Variants in HTR2B observed in about 807,000 individuals in gnomAD.
HTR2B encodes 5-hydroxytryptamine receptor 2B.
In HTR2B, 31 loss-of-function variants were observed where a neutral mutation model predicts 39.8. The ratio of observed to expected loss-of-function variants is 0.78; its 90% CI spans 0.58 to 1.05. The LOEUF (loss-of-function observed/expected upper bound fraction) is 1.05, where lower values mean the gene tolerates loss of function less well. Ranked by LOEUF, HTR2B falls within the 50% of genes least tolerant of loss-of-function variation. HTR2B has a pLI of 0.00. For synonymous variants in HTR2B, 210 were observed against 207.1 expected, an observed-to-expected ratio of 1.01 and a Z score of -0.12; for missense variants, 562 against 578.0, an observed-to-expected ratio of 0.97 and a Z score of 0.28.
At chr2:231,117,899 T>A (rs983926306) in intron 2 of HTR2B, among the ~76,000 whole-genome samples, 5 of 152,252 alleles carry the variant, frequency 3.3e-5, no homozygotes, top group African/African-American at 1.2e-4. Flanking sequence ...CTCTGAACAG[T>A]TACATGGGGT....
Position 231,123,491 on chromosome 2 carries a change from A to G in HTR2B, c.274T>C (p.Phe92Leu). ...TCAGCCACCGCCAAGGACATTAGAA[A>G]GTAATTAGTAGCATACTGCAGCTTC... ...EKKLQYATNY[F>L]LMSLAVADLL... Residue 92 changes from phenylalanine (F) to leucine (L), a missense_variant, in exon 2 of 4, where the codon TTT becomes CTT. Physicochemically the swap from Phe to Leu is conservative, Grantham distance 22 (BLOSUM62 0). Transcript: ENST00000258400. 6.2e-7 allele frequency: 1 copy of G among 1,614,150 alleles called. No homozygotes were observed. The highest frequency in any genetic ancestry group is 1.1e-5 in the South Asian group (1 of 91,084).
At chr2:231,119,461 A>G (rs1051975913) in intron 2 of HTR2B, among the ~76,000 whole-genome samples, 3 of 152,214 alleles carry the variant, frequency 2.0e-5, no homozygotes, top group Non-Finnish European at 2.9e-5. Flanking sequence ...CGGGAGAACC[A>G]GGATTCAGAC....
At chr2:231,110,829 C>G (rs1199096360) in intron 3 of HTR2B, among the ~76,000 whole-genome samples, 3 of 152,188 alleles carry the variant, frequency 2.0e-5, no homozygotes, top group South Asian at 2.1e-4. Context: ...TGCTTTTGTT[C>G]TACTGCAGCA....
At chr2:231,117,101 C>T (rs958342860) in intron 2 of HTR2B, among the ~76,000 whole-genome samples, 1 of 151,900 alleles carries the variant, frequency 6.6e-6, no homozygotes, top group Non-Finnish European at 1.5e-5. Flanking sequence ...ATTCTAAAAT[C>T]ATTTTTTAGT....
intron 2 of HTR2B, among the ~76,000 whole-genome samples, chr2:231,122,054 A>G (rs141302187): frequency 3.4e-3 from 516 of 152,272 alleles, no homozygotes; most frequent in Non-Finnish European, 5.4e-3. Context: ...GTTCTCTATT[A>G]TAGTAAGATT....
At position 231,109,168 on chromosome 2, in the gene HTR2B, A is replaced by G. The variant is rs780952510; in HGVS notation, c.795T>C (p.Ser265=). 1.2e-6 allele frequency: 2 copies of G among 1,614,058 alleles called. No homozygotes were observed. The change falls in exon 4 of 4, where the codon TCT becomes TCC. Residue 265 remains serine (S), a synonymous_variant. Transcript: ENST00000258400. ...GTGTTTCATCCCTTTGGAAAACTGT[A>G]GACACAGTCAACCATGTTAGGCGTT... ...PPQRLTWLTV[S]TVFQRDETPC...
At chr2:231,122,368 T>C (rs995225626) in intron 2 of HTR2B, among the ~76,000 whole-genome samples, 1 of 152,004 alleles carries the variant, frequency 6.6e-6, no homozygotes, top group Non-Finnish European at 1.5e-5. Flanking sequence ...ATAGCAGGGG[T>C]TTTTTACCTT....
At position 231,108,754 on chromosome 2, in the gene HTR2B, C is replaced by T. The variant is rs1441670478; in HGVS notation, c.1209G>A (p.Lys403=). ...RYITCNYRAT[K]SVKTLRKRSS... ...AGCGTTTTCTGAGAGTTTTTACTGA[C>T]TTTGTGGCCCGGTAATTGCAGGTGA... The change falls in exon 4 of 4, where the codon AAG becomes AAA. Residue 403 remains lysine, a synonymous_variant. Coordinates refer to ENST00000258400, the MANE Select transcript of HTR2B (RefSeq NM_000867.5). 13 of 1,614,022 alleles carry T rather than the reference C, an allele frequency of 8.1e-6. No individual in the cohort carries two copies. The highest frequency in any genetic ancestry group is 1.0e-5 in the Non-Finnish European group (12 of 1,180,022).
Position 231,108,866 on chromosome 2 carries a change from A to C in HTR2B, c.1097T>G (p.Val366Gly), listed in dbSNP as rs745934870. Residue 366 changes from valine to glycine, a missense_variant, in exon 4 of 4, where the codon GTG becomes GGG. Physicochemically the swap from Val to Gly is moderately radical, Grantham distance 109. Transcript: ENST00000258400. The part of the protein sequence containing the change: ...TTLQMLLEIF[V>G]WIGYVSSGVN... ...TCCTGAGGAAACATAGCCTATCCAC[A>C]CAAATATCTCCAGGAGCATTTGGAG... 6.2e-7 allele frequency: 1 copy of C among 1,614,188 alleles called. No individual in the cohort carries two copies. The highest frequency in any genetic ancestry group is 1.7e-5 in the Admixed American group (1 of 60,032).
rs953170302 is a variant in HTR2B at position 231,123,896 on chromosome 2, TA to T, written c.-133del. 2,958 of 544,196 alleles carry T rather than the reference TA, an allele frequency of 5.4e-3. No homozygotes were observed. The highest frequency in any genetic ancestry group is 6.1e-3 in the Non-Finnish European group (1,823 of 299,614). 33.7% of individuals were successfully genotyped at this position (544,196 alleles called of 1,614,324 possible). On this transcript the variant is annotated 5_prime_UTR_variant, in exon 2 of 4. It removes the in-frame stop codon of an upstream open reading frame in the 5' UTR. Coordinates refer to ENST00000258400, the MANE Select transcript of HTR2B (RefSeq NM_000867.5). ...AAAAGCCAAAGTTGACACCTTCCTT[TA>T]AAAAAAAAAATTCAAGTTCTCTAAA...
Position 231,113,784 on chromosome 2 carries a change from A to G in HTR2B, c.498T>C (p.Tyr166=), listed in dbSNP as rs1695239105. 2 of 1,614,162 alleles carry G rather than the reference A, an allele frequency of 1.2e-6. No individual in the cohort carries two copies. The highest frequency in any genetic ancestry group is 1.7e-6 in the Non-Finnish European group (2 of 1,180,000). ...AIKKPIQANQ[Y]NSRATAFIKI... ...TGATGAATGCTGTAGCCCGTGAGTT[A>G]TATTGATTGGCCTGGATTGGCTTTT... The change falls in exon 3 of 4, where the codon TAT becomes TAC. Residue 166 remains tyrosine, a synonymous_variant. Coordinates refer to ENST00000258400, the MANE Select transcript of HTR2B (RefSeq NM_000867.5).
At position 231,123,786 on chromosome 2, in the gene HTR2B, A is replaced by G. The variant is rs1338066987; in HGVS notation, c.-22T>C. 7.7e-6 allele frequency: 12 copies of G among 1,562,458 alleles called. No individual in the cohort carries two copies. In the East Asian group the frequency reaches 1.1e-4, roughly 15 times the overall value. ...CCATTTGCTGTTTTTCTGTGATTCA[A>G]TCCCGTTCCGAACAGTGGTCAGCAT... is the stretch of plus-strand genomic sequence containing the variant. On this transcript the variant is annotated 5_prime_UTR_variant, in exon 2 of 4. Coordinates refer to ENST00000258400, the MANE Select transcript of HTR2B (RefSeq NM_000867.5).
chr2:231,123,789 C>G lies in HTR2B; in HGVS notation c.-25G>C. ...TTTGCTGTTTTTCTGTGATTCAATC[C>G]CGTTCCGAACAGTGGTCAGCATGGT... On this transcript the variant is annotated 5_prime_UTR_variant, in exon 2 of 4. Coordinates refer to ENST00000258400, the MANE Select transcript of HTR2B (RefSeq NM_000867.5). The G allele has an allele frequency of 6.5e-7, 1 of 1,536,736 alleles. No individual in the cohort carries two copies. The highest frequency in any genetic ancestry group is 9.0e-7 in the Non-Finnish European group (1 of 1,109,946).
chr2:231,109,522 C>G (rs1695084874), intron 3 of HTR2B, 113 bp from the exon 4 acceptor site: 1 of 901,464 alleles, frequency 1.1e-6, no homozygotes, highest in East Asian at 2.5e-5. Context: ...CATTATAATT[C>G]CTGGGACCCA....
At position 231,123,811 on chromosome 2, in the gene HTR2B, T is replaced by TAA. The variant is rs1487482852; in HGVS notation, c.-48_-47insTT. 7.2e-7 allele frequency: 1 copy of TAA among 1,390,402 alleles called. No homozygotes were observed. The highest frequency in any genetic ancestry group is 1.7e-5 in the Admixed American group (1 of 59,736). 86.1% of individuals were successfully genotyped at this position (1,390,402 alleles called of 1,614,324 possible). On this transcript the variant is annotated 5_prime_UTR_variant, in exon 2 of 4. It removes the in-frame stop codon of an upstream open reading frame in the 5' UTR. Transcript: ENST00000258400. ...ATCCCGTTCCGAACAGTGGTCAGCA[T>TAA]GGTTAGTAGCTAAGCTGCTCATCTG...
rs1033292549 is a variant in HTR2B at position 231,117,634 on chromosome 2, G to A, written c.353-3705C>T. Among the ~76,000 whole-genome samples the A allele has an allele frequency of 3.3e-5, 5 of 152,170 alleles. No individual in the cohort carries two copies. In the East Asian group the frequency reaches 5.8e-4, roughly 18 times the overall value. On this transcript the variant is annotated intron_variant, in intron 2 of 3. Transcript: ENST00000258400. ...TGAAGACTGCTTTAAATTCTGCCAT[G>A]CATGAGGGATGGTAGGAGTTGTCAT...
rs1695638178 is a variant in HTR2B, at chr2:231,123,734, G to A, written c.31C>T (p.Gln11Ter). The change falls in exon 2 of 4, where the codon CAA becomes TAA. Residue 11 changes from glutamine to a stop codon, truncating the protein, a stop_gained. Transcript: ENST00000258400. LOFTEE classifies it high-confidence loss of function. Reference protein sequence around the residue: MALSYRVSELQSTIPEHILQS... With the variant: MALSYRVSEL ...AAAATGTGCTCAGGAATTGTGCTTT[G>A]AAGTTCAGACACTCTGTAAGAGAGA... is the stretch of plus-strand genomic sequence containing the variant. The A allele has an allele frequency of 6.2e-7, 1 of 1,613,966 alleles. No homozygotes were observed. Among genetic ancestry groups the A allele is most frequent in the South Asian group, 1.1e-5 (1 of 91,078 alleles).
chr2:231,110,905 T>A (rs939489942), intron 3 of HTR2B, among the ~76,000 whole-genome samples: 1 of 152,352 alleles, frequency 6.6e-6, no homozygotes, highest in Admixed American at 6.5e-5. Flanking sequence ...TGTCTTACCC[T>A]TTATAGAAAA....
intron 2 of HTR2B, among the ~76,000 whole-genome samples, chr2:231,115,798 G>A (rs1695311227): frequency 6.6e-6 from 1 of 152,152 alleles, no homozygotes; most frequent in Admixed American, 6.5e-5. Flanking sequence ...TTGCTCTTAA[G>A]ATGGAGAGTG....
Sources: allele counts gnomAD v4.1 joint callset (sites outside exome capture counted in the v4.1 genomes callset), GRCh38; gene constraint gnomAD v4.1.1; transcripts MANE v1.5; gene names NCBI Gene and HGNC (gene_info 2026-07-23, HGNC 2026-07-21).